Variants in HACL2 observed in about 807,000 individuals in gnomAD.
HACL2 encodes the protein 2-hydroxyacyl-CoA lyase 2, also known as 2-hydroxyacyl-CoA lyase 1 like.
chr19:15,116,952 A>C, the HACL2 span: 1 of 182,582 alleles, frequency 5.5e-6, no homozygotes, highest in Non-Finnish European at 1.1e-5. Context: ...CATTTTTCAA[A>C]TGATCAAATG....
the HACL2 span, chr19:15,124,675 A>C: frequency 3.8e-6 from 2 of 526,228 alleles, no homozygotes; most frequent in Non-Finnish European, 6.7e-6. Flanking sequence ...TCACTGGGGA[A>C]GGAGGTAGGT....
At chr19:15,116,453 ACCCAGTCTGGGGCCCAGGT>A in the HACL2 span, 1 of 1,613,578 alleles carries the variant, frequency 6.2e-7, no homozygotes, top group Non-Finnish European at 8.5e-7. Context: ...CAGCTCCTCC[ACCCAGTCTGGGGCCCAGGT>A]CTGGCCCTGA....
chr19:15,119,985 C>G, the HACL2 span: 1 of 1,547,414 alleles, frequency 6.5e-7, no homozygotes, highest in Non-Finnish European at 8.7e-7. Flanking sequence ...AATTCACCTG[C>G]TGCGGGGAAG....
the HACL2 span, chr19:15,120,091 G>A: frequency 6.6e-7 from 1 of 1,518,734 alleles, no homozygotes; most frequent in African/African-American, 1.4e-5. Flanking sequence ...CCTGCAAAAG[G>A]GAGGGGGAAG....
chr19:15,123,306 A>T, the HACL2 span: 1 of 1,598,076 alleles, frequency 6.3e-7, no homozygotes, highest in South Asian at 1.1e-5. The surrounding 1 kb of genome is among the most constrained non-coding windows in gnomAD (Gnocchi z 5.1). Context: ...CCTCTGAAAA[A>T]CCCCTACCCT....
the HACL2 span, chr19:15,125,499 C>T: frequency 2.9e-5 from 5 of 173,128 alleles, no homozygotes; most frequent in African/African-American, 1.2e-4. Flanking sequence ...GTCACGCCCC[C>T]GGGTTAGCGG....
At chr19:15,123,083 CT>C in the HACL2 span, 118 of 1,611,814 alleles carry the variant, frequency 7.3e-5, 1 homozygote, top group Non-Finnish European at 9.8e-5. This position sits in a 1 kb window ranked among gnomAD's most constrained non-coding sequence, Gnocchi z 5.1. Context: ...TCAAGCCCCC[CT>C]AGGCCCCCAC....
chr19:15,117,147 G>A, the HACL2 span: 1 of 154,138 alleles, frequency 6.5e-6, no homozygotes, highest in Non-Finnish European at 1.4e-5. Flanking sequence ...CTTAATACAA[G>A]AGTGTCCTGT....
chr19:15,123,232 C>A, the HACL2 span: 1 of 1,613,846 alleles, frequency 6.2e-7, no homozygotes, highest in Non-Finnish European at 8.5e-7. The surrounding 1 kb of genome is among the most constrained non-coding windows in gnomAD (Gnocchi z 5.1). Context: ...ACTGCCGCCA[C>A]GCCCACCGTC....
At chr19:15,117,928 A>G in the HACL2 span, 6 of 1,613,896 alleles carry the variant, frequency 3.7e-6, no homozygotes, top group Admixed American at 6.7e-5. Flanking sequence ...GTTGAGCAAC[A>G]TCTCTTCCCG....
the HACL2 span, among the ~76,000 whole-genome samples, chr19:15,120,730 G>C: frequency 6.6e-6 from 1 of 152,218 alleles, no homozygotes; most frequent in African/African-American, 2.4e-5. Context: ...CTCAGAGTCA[G>C]AAGCCTCTGC....
At chr19:15,115,890 C>A in the HACL2 span, 1 of 1,614,162 alleles carries the variant, frequency 6.2e-7, no homozygotes. Context: ...GAGGCTGTAG[C>A]CAAAAGCTCC....
At chr19:15,115,527 C>T in the HACL2 span, 1 of 1,602,186 alleles carries the variant, frequency 6.2e-7, no homozygotes, top group Middle Eastern at 1.7e-4. Context: ...GGGACTGAAA[C>T]AGCCTCCTGT....
the HACL2 span, chr19:15,116,029 C>T: frequency 1.9e-6 from 3 of 1,614,046 alleles, no homozygotes; most frequent in Non-Finnish European, 2.5e-6. Context: ...CAGCTTGGCC[C>T]CAAGTGCAAA....
the HACL2 span, chr19:15,122,853 C>T: frequency 9.9e-6 from 16 of 1,612,788 alleles, no homozygotes; most frequent in South Asian, 3.3e-5. This position sits in a 1 kb window ranked among gnomAD's most constrained non-coding sequence, Gnocchi z 4.0. Context: ...CCCAGCCCCT[C>T]GGCCCCAGCA....
the HACL2 span, chr19:15,119,544 TGTC>T: frequency 4.5e-6 from 7 of 1,572,644 alleles, no homozygotes; most frequent in Middle Eastern, 1.8e-4. Context: ...ATCAAAGGGC[TGTC>T]TTTTTATTTA....
chr19:15,118,095 C>T, the HACL2 span: 2 of 1,557,570 alleles, frequency 1.3e-6, no homozygotes, highest in Non-Finnish European at 1.8e-6. Flanking sequence ...GGACTGGATG[C>T]AAATGAGTCC....
At chr19:15,119,675 A>C in the HACL2 span, among the ~76,000 whole-genome samples, 1 of 152,092 alleles carries the variant, frequency 6.6e-6, no homozygotes, top group East Asian at 1.9e-4. Flanking sequence ...CTCAGCCTCC[A>C]GAGTAGCTGG....
chr19:15,121,678 G>A, the HACL2 span, among the ~76,000 whole-genome samples: 10 of 151,198 alleles, frequency 6.6e-5, no homozygotes, highest in East Asian at 6.0e-4. Flanking sequence ...GTGTGGTGGC[G>A]GGCGCCTGTA....
Sources: gnomAD v4.1 joint callset for allele counts (sites outside exome capture counted in the v4.1 genomes callset) on GRCh38, gnomAD v4.1.1 for gene constraint, Gnocchi (gnomAD v3.1) non-coding constraint, MANE v1.5 for transcripts, NCBI Gene and HGNC (gene_info 2026-07-23, HGNC 2026-07-21) for gene names.